Variants in WDR72 observed in about 807,000 individuals in gnomAD.
The protein encoded by WDR72 is WD repeat-containing protein 72.
In WDR72, 120 loss-of-function variants were observed where a neutral mutation model predicts 124.2. The ratio of observed to expected loss-of-function variants is 0.97; its 90% CI spans 0.83 to 1.12. The LOEUF (loss-of-function observed/expected upper bound fraction) is 1.12, where lower values mean the gene tolerates loss of function less well. Among genes scored for constraint, WDR72 ranks in the 50% most tolerant of loss-of-function variants. The pLI is 0.00. For synonymous variants in WDR72, 452 were observed against 441.7 expected (o/e 1.02, Z -0.29); for missense variants, 1,387 against 1,278.8 (o/e 1.08, Z -1.29).
chr15:53,689,088 G>A (rs1009752916), intron 13 of WDR72, among the ~76,000 whole-genome samples: 9 of 152,260 alleles, frequency 5.9e-5, no homozygotes, highest in Non-Finnish European at 8.8e-5. Flanking sequence ...AGACTTAAAC[G>A]TTAAACCTAA....
chr15:53,737,875 A>G (rs1225605546), intron 1 of WDR72, among the ~76,000 whole-genome samples: 1 of 152,206 alleles, frequency 6.6e-6, no homozygotes, highest in Admixed American at 6.5e-5. Flanking sequence ...CCACGCATAC[A>G]ACATTTATAA....
chr15:53,728,068 C>T (rs1042631020), intron 2 of WDR72, among the ~76,000 whole-genome samples: 8 of 152,086 alleles, frequency 5.3e-5, no homozygotes, highest in Non-Finnish European at 7.4e-5. Context: ...GTTTTCACAC[C>T]GCTGATAAAG....
At chr15:53,528,770 A>T (rs967367102) in intron 18 of WDR72, among the ~76,000 whole-genome samples, 10 of 152,006 alleles carry the variant, frequency 6.6e-5, no homozygotes, top group African/African-American at 2.4e-4. Context: ...CTAGACCCCC[A>T]GCCAAGTTTG....
chr15:53,522,826 T>C (rs1386861158), intron 19 of WDR72, among the ~76,000 whole-genome samples: 1 of 152,082 alleles, frequency 6.6e-6, no homozygotes, highest in Admixed American at 6.6e-5. Context: ...ATTGTAATGA[T>C]GACAGTTTCT....
At chr15:53,700,158 G>A (rs539485797) in intron 12 of WDR72, among the ~76,000 whole-genome samples, 55 of 152,266 alleles carry the variant, frequency 3.6e-4, no homozygotes, top group African/African-American at 1.3e-3. Flanking sequence ...TCACAGGAAG[G>A]TCAAAAGATG....
At chr15:53,676,345 C>T (rs1595840432) in intron 13 of WDR72, among the ~76,000 whole-genome samples, 1 of 152,232 alleles carries the variant, frequency 6.6e-6, no homozygotes, top group Non-Finnish European at 1.5e-5. Flanking sequence ...AACGTTTCTA[C>T]TCAGTTGTCC....
chr15:53,519,956 G>A (rs948641527), intron 19 of WDR72, among the ~76,000 whole-genome samples: 7 of 152,060 alleles, frequency 4.6e-5, no homozygotes, highest in Non-Finnish European at 1.0e-4. Context: ...GGTAATACAC[G>A]AAGTGGTTAT....
chr15:53,570,183 C>G (rs1047726701), intron 18 of WDR72, among the ~76,000 whole-genome samples: 6 of 151,272 alleles, frequency 4.0e-5, no homozygotes, highest in Non-Finnish European at 8.8e-5. Context: ...TTATTGGGCA[C>G]AACATGATGT....
chr15:53,551,902 T>C (rs1402898396), intron 18 of WDR72, among the ~76,000 whole-genome samples: 1 of 151,940 alleles, frequency 6.6e-6, no homozygotes, highest in Non-Finnish European at 1.5e-5. Context: ...ACATGCAATA[T>C]GCTAGGCAGG....
intron 18 of WDR72, among the ~76,000 whole-genome samples, chr15:53,545,041 T>C (rs865906399): frequency 0.17 from 24,668 of 143,156 alleles, 2,210 homozygotes; most frequent in Middle Eastern, 0.23. Context: ...GAACATTCCA[T>C]GCTCATGGGT....
chr15:53,593,748 T>G lies in WDR72; in HGVS notation c.3148+3331A>C, dbSNP rs377387600. On this transcript the variant is annotated intron_variant, in intron 18 of 19. Coordinates refer to ENST00000360509, the MANE Select transcript of WDR72 (RefSeq NM_182758.4). The stretch of plus-strand genomic sequence containing the variant: ...TTGCACTCTAGCCTGGGTGACAGAG[T>G]GAGGCACTGTGTCAAAAAGAAAAAA... Among the ~76,000 whole-genome samples the G allele has an allele frequency of 3.3e-5, 5 of 151,094 alleles. No homozygotes were observed. The East Asian group carries it at 5.9e-4, about 18-fold the overall frequency.
intron 18 of WDR72, among the ~76,000 whole-genome samples, chr15:53,584,431 C>T (rs1595775274): frequency 6.6e-6 from 1 of 152,062 alleles, no homozygotes; most frequent in East Asian, 1.9e-4. Flanking sequence ...AACAAAATTT[C>T]TTACTCCATG....
chr15:53,646,014 C>T (rs1417118074), intron 14 of WDR72, among the ~76,000 whole-genome samples: 3 of 152,128 alleles, frequency 2.0e-5, no homozygotes, highest in African/African-American at 7.2e-5. Context: ...TGTATGATGA[C>T]CCTATCTTAC....
intron 1 of WDR72, chr15:53,756,534 A>G (rs1396790007): frequency 1.3e-5 from 2 of 152,096 alleles, no homozygotes; most frequent in Non-Finnish European, 2.9e-5. Context: ...CTCATCCTGT[A>G]CTCGCTTATT....
rs762035879 is a variant in WDR72, at chr15:53,615,903, C to G, written c.2303G>C (p.Arg768Thr). The G allele has an allele frequency of 1.9e-6, 3 of 1,613,438 alleles. No individual in the cohort carries two copies. Among genetic ancestry groups the G allele is most frequent in the Non-Finnish European group, 1.7e-6 (2 of 1,179,678 alleles). The change falls in exon 15 of 20, where the codon AGG becomes ACG. Residue 768 changes from arginine to threonine, a missense_variant. Transcript: ENST00000360509. ...KFSEENDGIKRQKKMKISKKM... is the reference protein window; with the variant it reads ...KFSEENDGIKTQKKMKISKKM... ...TTTGGAGATCTTCATTTTCTTCTGC[C>G]TTTTAATGCCATCATTTTCTTCTGA... is the stretch of plus-strand genomic sequence containing the variant.
chr15:53,531,784 GT>G (rs35747279), intron 18 of WDR72, among the ~76,000 whole-genome samples: 122,599 of 151,818 alleles, frequency 0.81, 50,430 homozygotes, highest in South Asian at 0.91. Flanking sequence ...GAAACAAAAG[GT>G]TAAGAGATGA....
chr15:53,725,744 G>C (rs2140586638), intron 2 of WDR72, among the ~76,000 whole-genome samples: 1 of 152,208 alleles, frequency 6.6e-6, no homozygotes, highest in Non-Finnish European at 1.5e-5. Flanking sequence ...TGTGGAAAAG[G>C]CAAAACTTAG....
intron 12 of WDR72, 54 bp downstream of exon 12, chr15:53,702,080 C>G: frequency 7.3e-7 from 1 of 1,360,962 alleles, no homozygotes; most frequent in East Asian, 2.5e-5. Flanking sequence ...ATTAAGTATT[C>G]TATAATTTAT....
At chr15:53,563,123 C>A (rs188388399) in intron 18 of WDR72, among the ~76,000 whole-genome samples, 1 of 151,664 alleles carries the variant, frequency 6.6e-6, no homozygotes, top group Admixed American at 6.6e-5. Flanking sequence ...AAATTTTCCA[C>A]GTAACAAAAT....
Sources: allele counts gnomAD v4.1 joint callset (sites outside exome capture counted in the v4.1 genomes callset), GRCh38; gene constraint gnomAD v4.1.1; transcripts MANE v1.5; gene names NCBI Gene and HGNC (gene_info 2026-07-23, HGNC 2026-07-21).